Variants in DNAH7 observed in about 807,000 individuals in gnomAD.
DNAH7 encodes dynein axonemal heavy chain 7.
A neutral mutation model predicts 444.6 loss-of-function variants in DNAH7; 397 were observed. The ratio of observed to expected loss-of-function variants is 0.89; its 90% CI spans 0.82 to 0.97. DNAH7 has a LOEUF of 0.97. Ranked by LOEUF, DNAH7 falls within the 50% of genes least tolerant of loss-of-function variation. DNAH7 has a pLI of 0.00. For synonymous variants in DNAH7, 1,636 were observed against 1,624.4 expected (o/e 1.01, Z -0.17); for missense variants, 4,902 against 4,800.8 (o/e 1.02, Z -0.62).
intron 55 of DNAH7, 68 bp downstream of exon 55, chr2:195,799,228 A>C (rs554115097): frequency 1.5e-6 from 2 of 1,316,784 alleles, no homozygotes; most frequent in Admixed American, 2.8e-5. Flanking sequence ...TCATCCTTAA[A>C]ATTTCAATTA....
intron 59 of DNAH7, 125 bp from the exon 60 acceptor site, chr2:195,776,108 T>C (rs1695046396): frequency 3.3e-6 from 4 of 1,214,042 alleles, no homozygotes; most frequent in African/African-American, 1.5e-5. Flanking sequence ...CACTGGACAT[T>C]GAGTGCTTTC....
intron 24 of DNAH7, among the ~76,000 whole-genome samples, chr2:195,915,058 G>A (rs964086928): frequency 2.0e-5 from 3 of 152,138 alleles, no homozygotes; most frequent in East Asian, 1.9e-4. Flanking sequence ...AAATGCCTGC[G>A]TTATGCCAGG....
In DNAH7 at chr2:196,036,830, C is replaced by T. The variant is rs1459262637; in HGVS notation, c.399-8783G>A. Among the ~76,000 whole-genome samples, 3 of 152,208 alleles carry T rather than the reference C, an allele frequency of 2.0e-5. No individual in the cohort carries two copies. In the East Asian group the frequency reaches 5.8e-4, roughly 29 times the overall value. On this transcript the variant is annotated intron_variant, in intron 5 of 64. Transcript: ENST00000312428. Reference sequence around the variant, plus strand: ...AGATCTCCTTGCCTACTAGTGCCCACATGCTCTGCCTAGAGACCTAAGGAC... The same window carrying T: ...AGATCTCCTTGCCTACTAGTGCCCATATGCTCTGCCTAGAGACCTAAGGAC...
Position 195,737,713 on chromosome 2 carries a change from T to G in DNAH7, c.*208A>C. 2.2e-6 allele frequency: 1 copy of G among 450,602 alleles called. No individual in the cohort carries two copies. The highest frequency in any genetic ancestry group is 4.0e-6 in the Non-Finnish European group (1 of 251,400). 27.9% of individuals were successfully genotyped at this position (450,602 alleles called of 1,614,324 possible). On this transcript the variant is annotated 3_prime_UTR_variant, in exon 65 of 65. Coordinates refer to ENST00000312428, the MANE Select transcript of DNAH7 (RefSeq NM_018897.3). ...CAAAGAGAGCAAATATGCCAGTGTG[T>G]TTTCTTTAGTCTTTATTTCAGAACA...
intron 10 of DNAH7, among the ~76,000 whole-genome samples, chr2:196,011,760 C>CA (rs1026614600): frequency 2.0e-4 from 31 of 151,952 alleles, no homozygotes; most frequent in Non-Finnish European, 4.1e-4. Flanking sequence ...CATTTCTCAG[C>CA]AAAAAAATAA....
intron 47 of DNAH7, among the ~76,000 whole-genome samples, chr2:195,838,976 G>A (rs1698531660): frequency 6.6e-6 from 1 of 151,790 alleles, no homozygotes; most frequent in Non-Finnish European, 1.5e-5. Flanking sequence ...CAAGTAGACA[G>A]AAAACTAGCA....
intron 15 of DNAH7, among the ~76,000 whole-genome samples, chr2:195,976,819 A>G (rs767940286): frequency 1.4e-5 from 2 of 147,512 alleles, no homozygotes; most frequent in Non-Finnish European, 3.0e-5. Flanking sequence ...AATTAAGGGA[A>G]GAGAATAAGA....
chr2:195,787,072 A>G lies in DNAH7; in HGVS notation c.10816T>C (p.Phe3606Leu), dbSNP rs1228699473. ...GPLGWNIPYE[F>L]NETDLRISVQ... ...CTGATTCTCAGATCTGTCTCATTGA[A>G]CTCATAAGGAATATTCCACCCTAGG... Residue 3606 changes from phenylalanine (F) to leucine (L), a missense_variant, in exon 58 of 65, where the codon TTC becomes CTC. By Grantham distance (22) the Phe-to-Leu change is conservative. Transcript: ENST00000312428. The G allele has an allele frequency of 6.2e-7, 1 of 1,612,160 alleles. No homozygotes were observed. The highest frequency in any genetic ancestry group is 8.5e-7 in the Non-Finnish European group (1 of 1,179,538).
chr2:195,754,583 G>C (rs963089377), intron 62 of DNAH7, 69 bp from the exon 63 acceptor site: 1 of 1,478,798 alleles, frequency 6.8e-7, no homozygotes. Flanking sequence ...TTTTGAGACA[G>C]GATCTCTGGT....
rs1378442686 is a variant in DNAH7 at position 195,834,543 on chromosome 2, G to T, written c.8946-183C>A. The T allele has an allele frequency of 1.3e-5, 6 of 470,964 alleles. No homozygotes were observed. In the African/African-American group the frequency reaches 1.5e-4, roughly 12 times the overall value. 29.2% of individuals were successfully genotyped at this position (470,964 alleles called of 1,614,324 possible). A position where few individuals can be genotyped will look rare whatever the true frequency, so the allele number is the denominator to read the frequency against. ...GTAGATTGAGTGGGCTACCTGAACG[G>T]CAACTACAGAAACCATCCTGCAAAG... is the stretch of plus-strand genomic sequence containing the variant. On this transcript the variant is annotated intron_variant, in intron 47 of 64. Coordinates refer to ENST00000312428, the MANE Select transcript of DNAH7 (RefSeq NM_018897.3).
chr2:195,822,838 G>A (rs570095146), intron 49 of DNAH7, among the ~76,000 whole-genome samples: 12 of 152,082 alleles, frequency 7.9e-5, no homozygotes, highest in Non-Finnish European at 1.3e-4. Context: ...ACAGCTCTGG[G>A]ATTTTATCAT....
intron 47 of DNAH7, among the ~76,000 whole-genome samples, chr2:195,835,959 C>T (rs1288692915): frequency 6.6e-6 from 1 of 152,204 alleles, no homozygotes; most frequent in Non-Finnish European, 1.5e-5. Context: ...TAACAGTATA[C>T]CACTGACTGA....
At chr2:195,835,843 A>C (rs1029457777) in intron 47 of DNAH7, among the ~76,000 whole-genome samples, 2 of 152,212 alleles carry the variant, frequency 1.3e-5, no homozygotes, top group African/African-American at 4.8e-5. Context: ...ACTCTGTCTC[A>C]AACAAAACAA....
chr2:195,995,470 C>G, intron 12 of DNAH7: 2 of 356,532 alleles, frequency 5.6e-6, no homozygotes, highest in Non-Finnish European at 5.5e-6. Context: ...CTTCTTTTGC[C>G]CTCAGGGGTT....
chr2:195,941,201 A>C (rs1252318104), intron 19 of DNAH7, among the ~76,000 whole-genome samples: 1 of 152,138 alleles, frequency 6.6e-6, no homozygotes, highest in East Asian at 1.9e-4. Context: ...CATTTAAAAA[A>C]TGAGTTCATG....
intron 48 of DNAH7, among the ~76,000 whole-genome samples, 179 bp downstream of exon 48, chr2:195,834,027 C>A (rs547089996): frequency 1.5e-4 from 23 of 152,170 alleles, no homozygotes; most frequent in Non-Finnish European, 3.2e-4. Context: ...GGCAACATGG[C>A]GAAACCTCAT....
chr2:195,941,451 C>CAA lies in DNAH7; in HGVS notation c.3079-4661_3079-4660dup, dbSNP rs1207029040. 4.6e-4 allele frequency among the ~76,000 whole-genome samples: 26 copies of CAA among 56,716 alleles called. No individual in the cohort carries two copies. In the East Asian group the frequency reaches 6.2e-3, roughly 14 times the overall value. The allele number at this position is 56,716 out of a possible 152,430, so 37.2% of individuals were successfully genotyped here. A position where few individuals can be genotyped will look rare whatever the true frequency, so the allele number is the denominator to read the frequency against. ...GGCTTAAAACCTAGAACCTAGATGA[C>CAA]AAAAAAAAAAAAAAAAAACCTAGAT... On this transcript the variant is annotated intron_variant, in intron 19 of 64. Coordinates refer to ENST00000312428, the MANE Select transcript of DNAH7 (RefSeq NM_018897.3).
intron 12 of DNAH7, among the ~76,000 whole-genome samples, chr2:195,993,775 G>C (rs900110767): frequency 6.6e-6 from 1 of 152,092 alleles, no homozygotes; most frequent in African/African-American, 2.4e-5. Context: ...TTGCATTTGC[G>C]GCAGTTCCAT....
chr2:195,816,570 T>G lies in DNAH7; in HGVS notation c.9761+58A>C. On this transcript the variant is annotated intron_variant, in intron 51 of 64. Coordinates refer to ENST00000312428, the MANE Select transcript of DNAH7 (RefSeq NM_018897.3). Reference sequence around the variant, plus strand: ...CTGAGACAACAATAGAGGTCACAAATTACTCTCTGATTTCATGCATTAATT... The same window carrying G: ...CTGAGACAACAATAGAGGTCACAAAGTACTCTCTGATTTCATGCATTAATT... 3 of 1,297,356 alleles carry G rather than the reference T, an allele frequency of 2.3e-6. No individual in the cohort carries two copies. The East Asian group carries it at 7.4e-5, about 32-fold the overall frequency. 80.4% of individuals were successfully genotyped at this position (1,297,356 alleles called of 1,614,324 possible).
Sources: gnomAD v4.1 joint callset for allele counts (sites outside exome capture counted in the v4.1 genomes callset) on GRCh38, gnomAD v4.1.1 for gene constraint, MANE v1.5 for transcripts, NCBI Gene and HGNC (gene_info 2026-07-23, HGNC 2026-07-21) for gene names.